The following ZFHX3 variants were observed in gnomAD, a reference collection of about 807,000 sequenced individuals.
ZFHX3 encodes the protein zinc finger homeobox protein 3.
Under a neutral mutation model 279.1 loss-of-function variants are expected in ZFHX3, and 42 were observed. The ratio of observed to expected loss-of-function variants is 0.15; its 90% confidence interval spans 0.12 to 0.19. ZFHX3 has a LOEUF of 0.19. Among genes scored for constraint, ZFHX3 ranks in the 10% least tolerant of loss-of-function variants. The pLI, the probability that ZFHX3 is intolerant of heterozygous loss-of-function variation, is 1.00. For missense variants in ZFHX3, 4,981 were observed against 4,754.0 expected (o/e 1.05, Z -1.40); for synonymous variants, 2,293 against 1,957.8 (o/e 1.17, Z -4.52).
At chr16:73,258,419 G>A (rs1199673324) in intron 4 of ZFHX3, among the ~76,000 whole-genome samples, 4 of 151,206 alleles carry the variant, frequency 2.6e-5, no homozygotes, top group South Asian at 4.2e-4. Context: ...GTGCAATCTC[G>A]GCTCACTGCA....
chr16:73,103,767 A>G (rs2144790172), intron 7 of ZFHX3, among the ~76,000 whole-genome samples: 1 of 152,304 alleles, frequency 6.6e-6, no homozygotes, highest in East Asian at 1.9e-4. Context: ...GTCCATCTGG[A>G]GACCTCCTAT....
intron 5 of ZFHX3, among the ~76,000 whole-genome samples, chr16:73,229,689 T>C (rs548104192): frequency 6.6e-6 from 1 of 152,260 alleles, no homozygotes; most frequent in Admixed American, 6.5e-5. Flanking sequence ...GTAAGGAAAA[T>C]ATCGCAGAAA....
chr16:73,540,096 T>G (rs1380456633), intron 2 of ZFHX3, among the ~76,000 whole-genome samples: 1 of 152,228 alleles, frequency 6.6e-6, no homozygotes, highest in African/African-American at 2.4e-5. Context: ...ATGTTGGAGC[T>G]CATTGTCATA....
chr16:72,941,565 G>GA (rs1380806834), intron 3 of ZFHX3, among the ~76,000 whole-genome samples: 4 of 152,248 alleles, frequency 2.6e-5, no homozygotes, highest in African/African-American at 9.6e-5. Flanking sequence ...TTGCTTATCT[G>GA]AAATTTACGT....
intron 2 of ZFHX3, among the ~76,000 whole-genome samples, chr16:73,483,134 G>T (rs1055653572): frequency 3.9e-5 from 6 of 152,150 alleles, no homozygotes; most frequent in Non-Finnish European, 8.8e-5. Context: ...TCAGCTTAGG[G>T]TCTGGGGGCT....
chr16:72,970,462 G>A (rs114867383), intron 1 of ZFHX3, among the ~76,000 whole-genome samples: 6 of 152,070 alleles, frequency 3.9e-5, no homozygotes, highest in African/African-American at 1.4e-4. Context: ...GACAAGCATC[G>A]TGTGCCCATG....
At chr16:73,011,525 G>A (rs1387957971) in intron 1 of ZFHX3, among the ~76,000 whole-genome samples, 3 of 151,932 alleles carry the variant, frequency 2.0e-5, no homozygotes, top group Non-Finnish European at 2.9e-5. Context: ...GGCAGATCAC[G>A]AGGTCAAGAG....
chr16:73,092,598 G>A lies in ZFHX3; in HGVS notation c.-533+637C>T, dbSNP rs368807617. 2.6e-4 allele frequency: 61 copies of A among 237,170 alleles called. No homozygotes were observed. The East Asian group carries it at 2.7e-3, about 10-fold the overall frequency. The allele number at this position is 237,170 out of a possible 1,614,324, so 14.7% of individuals were successfully genotyped here. Reference sequence around the variant, plus strand: ...GGCTGGCTATGAACTGTTCCAGTACGTTCCATCAAATAGACGCCTTCATAG... The same window carrying A: ...GGCTGGCTATGAACTGTTCCAGTACATTCCATCAAATAGACGCCTTCATAG... On this transcript the variant is annotated intron_variant, in intron 8 of 17. Transcript: ENST00000641206.
chr16:73,387,623 C>T (rs562228092), intron 3 of ZFHX3, among the ~76,000 whole-genome samples: 1 of 151,972 alleles, frequency 6.6e-6, no homozygotes, highest in Non-Finnish European at 1.5e-5. Flanking sequence ...CATCTTTTTC[C>T]CCAAGAGTCT....
intron 4 of ZFHX3, among the ~76,000 whole-genome samples, chr16:73,291,577 A>G (rs1184256668): frequency 2.0e-5 from 3 of 152,192 alleles, no homozygotes; most frequent in Non-Finnish European, 4.4e-5. Context: ...CCTGATTAGA[A>G]AGCCTGAAGT....
At chr16:73,691,923 G>A (rs748541521) in intron 1 of ZFHX3, among the ~76,000 whole-genome samples, 2 of 152,122 alleles carry the variant, frequency 1.3e-5, no homozygotes, top group Non-Finnish European at 2.9e-5. Flanking sequence ...GGACATCAAT[G>A]GTAATATTGC....
At chr16:73,663,153 G>C (rs2052802916) in intron 2 of ZFHX3, among the ~76,000 whole-genome samples, 1 of 152,220 alleles carries the variant, frequency 6.6e-6, no homozygotes, top group South Asian at 2.1e-4. Context: ...ACAGACATGA[G>C]TTTGAGAAAA....
chr16:73,789,276 G>T (rs552538816), intron 1 of ZFHX3, among the ~76,000 whole-genome samples: 1 of 151,980 alleles, frequency 6.6e-6, no homozygotes, highest in East Asian at 1.9e-4. Context: ...CGCCTCCCAG[G>T]TTCAAGCGAT....
In ZFHX3 at chr16:72,797,774, G is replaced by C; in HGVS notation, c.4908C>G (p.Ser1636Arg). 6.2e-7 allele frequency: 1 copy of C among 1,614,126 alleles called. No homozygotes were observed. The highest frequency in any genetic ancestry group is 8.5e-7 in the Non-Finnish European group (1 of 1,180,018). The change falls in exon 9 of 10, where the codon AGC (serine) becomes AGG (arginine). Residue 1636 changes from serine (S) to arginine (R), a missense_variant. Physicochemically the swap from Ser to Arg is moderately radical, Grantham distance 110. Around this residue, in one of 7 missense-constraint regions of ZFHX3, gnomAD observed 1,751 missense variants for 1,770.0 expected, o/e 0.99. Transcript: ENST00000268489. ...TACTGCTGCTGTTCCCAGTCCCATT[G>C]CTGCTGCCACTTGCAGCCTCCAGCT... Reference protein sequence around the residue: ...AAKLEAASGSSNGTGNSSSIS... With the variant: ...AAKLEAASGSRNGTGNSSSIS...
At chr16:73,753,583 C>T (rs921711377) in intron 1 of ZFHX3, among the ~76,000 whole-genome samples, 1 of 152,142 alleles carries the variant, frequency 6.6e-6, no homozygotes, top group African/African-American at 2.4e-5. Flanking sequence ...TCTGGGAACA[C>T]TGCCTGTGTA....
chr16:73,656,094 T>C (rs1285385871), intron 2 of ZFHX3, among the ~76,000 whole-genome samples: 1 of 152,212 alleles, frequency 6.6e-6, no homozygotes, highest in Non-Finnish European at 1.5e-5. Flanking sequence ...TGGCAAACTA[T>C]AGACCCAAAT....
intron 7 of ZFHX3, among the ~76,000 whole-genome samples, chr16:72,803,624 G>C (rs2036181206): frequency 6.6e-6 from 1 of 152,090 alleles, no homozygotes; most frequent in Non-Finnish European, 1.5e-5. Context: ...AACGAAAAAA[G>C]TTCTAAGGTT....
intron 2 of ZFHX3, among the ~76,000 whole-genome samples, chr16:73,641,588 A>G (rs1163332934): frequency 2.6e-5 from 4 of 152,202 alleles, no homozygotes; most frequent in Non-Finnish European, 5.9e-5. Context: ...AAAAAGATAT[A>G]CACTGATGTA....
chr16:73,177,037 T>C (rs1258156768), intron 5 of ZFHX3, among the ~76,000 whole-genome samples: 1 of 152,162 alleles, frequency 6.6e-6, no homozygotes, highest in Non-Finnish European at 1.5e-5. Flanking sequence ...GACATTTGTA[T>C]ATCCCTCAGA....
Sources: gnomAD v4.1 joint callset for allele counts (sites outside exome capture counted in the v4.1 genomes callset) on GRCh38, gnomAD v4.1.1 for gene constraint, gnomAD v4.1.1 regional missense constraint, MANE v1.5 for transcripts, NCBI Gene and HGNC (gene_info 2026-07-23, HGNC 2026-07-21) for gene names.